ZBTB2: variants seen among roughly 807,000 people sequenced by gnomAD.
ZBTB2 encodes the protein zinc finger and BTB domain containing 2.
Under a neutral mutation model 39.5 loss-of-function variants are expected in ZBTB2, and 2 were observed. That is an observed-to-expected ratio of 0.05 (90% CI 0.02 to 0.16). The LOEUF is 0.16. Ranked by LOEUF, ZBTB2 falls within the 10% of genes least tolerant of loss-of-function variation. The pLI is 1.00. For missense variants in ZBTB2, 391 were observed against 653.0 expected (o/e 0.60, Z 4.37); for synonymous variants, 251 against 256.6 (o/e 0.98, Z 0.21).
intron 2 of ZBTB2, among the ~76,000 whole-genome samples, chr6:151,368,930 T>C (rs1431336588): frequency 1.3e-5 from 2 of 151,304 alleles, no homozygotes; most frequent in Middle Eastern, 3.4e-3. Flanking sequence ...CAGCTAATTT[T>C]TGTATTTTTT....
intron 2 of ZBTB2, among the ~76,000 whole-genome samples, chr6:151,367,317 C>T (rs1778673287): frequency 1.3e-5 from 2 of 152,144 alleles, no homozygotes; most frequent in African/African-American, 4.8e-5. Flanking sequence ...GACGGGGATT[C>T]ACCATGTTGG....
Position 151,366,929 on chromosome 6 carries a change from C to G in ZBTB2, c.174-37G>C. 6.4e-7 allele frequency: 1 copy of G among 1,562,798 alleles called. No individual in the cohort carries two copies. The highest frequency in any genetic ancestry group is 8.7e-7 in the Non-Finnish European group (1 of 1,155,096). ...AAGTAAAAAAATACGTGAGTAAATG[C>G]CAGTCTAGGTGTTAACATAAAGCCT... is the stretch of plus-strand genomic sequence containing the variant. On this transcript the variant is annotated intron_variant, in intron 2 of 2. Coordinates refer to ENST00000325144, the MANE Select transcript of ZBTB2 (RefSeq NM_020861.3). This position sits in a 1 kb window ranked among gnomAD's most constrained non-coding sequence, Gnocchi z 7.1.
In ZBTB2 at chr6:151,391,011, C is replaced by T. The variant is rs1308211568; in HGVS notation, c.-13+409G>A. 1.2e-3 allele frequency among the ~76,000 whole-genome samples: 169 copies of T among 143,462 alleles called. 1 individual carries two copies. Among genetic ancestry groups the T allele is most frequent in the African/African-American group, 4.0e-3 (154 of 38,602 alleles). The allele number at this position is 143,462 out of a possible 152,430, so 94.1% of individuals were successfully genotyped here. ...ACCGAACGCGAATCGCCCCCCTCCC[C>T]TTCCTCCCTCCCACCCTCCCTCCGA... On this transcript the variant is annotated intron_variant, in intron 1 of 2. Coordinates refer to ENST00000325144, the MANE Select transcript of ZBTB2 (RefSeq NM_020861.3).
intron 1 of ZBTB2, among the ~76,000 whole-genome samples, chr6:151,383,100 T>G (rs1299086927): frequency 6.6e-6 from 1 of 151,732 alleles, no homozygotes; most frequent in Non-Finnish European, 1.5e-5. Context: ...TTTTGTATTT[T>G]TAGTAGAGAC....
intron 1 of ZBTB2, among the ~76,000 whole-genome samples, chr6:151,391,104 G>T (rs1779295825): frequency 7.0e-6 from 1 of 143,004 alleles, no homozygotes; most frequent in Non-Finnish European, 1.5e-5. Flanking sequence ...AGGCGCCGCC[G>T]ACTCGCCGCC....
intron 1 of ZBTB2, among the ~76,000 whole-genome samples, chr6:151,390,395 C>A (rs1779261455): frequency 6.7e-6 from 1 of 149,830 alleles, no homozygotes; most frequent in Non-Finnish European, 1.5e-5. Context: ...GGAGGGGCGA[C>A]GCACTCCGGC....
intron 2 of ZBTB2, among the ~76,000 whole-genome samples, chr6:151,372,482 A>G (rs1778807342): frequency 6.6e-6 from 1 of 151,968 alleles, no homozygotes; most frequent in Admixed American, 6.5e-5. Flanking sequence ...CTGATCCCAC[A>G]TGGGCTGGGG....
Position 151,366,275 on chromosome 6 carries a change from G to C in ZBTB2, c.791C>G (p.Thr264Ser). The C allele has an allele frequency of 6.2e-7, 1 of 1,614,116 alleles. No individual in the cohort carries two copies. The highest frequency in any genetic ancestry group is 8.5e-7 in the Non-Finnish European group (1 of 1,180,026). Residue 264 changes from threonine (T) to serine (S), a missense_variant, in exon 3 of 3, where the codon ACT (threonine) becomes AGT (serine). This residue lies in a region of ZBTB2 where 80 missense variants were observed against 125.2 expected (regional missense o/e 0.64). Coordinates refer to ENST00000325144, the MANE Select transcript of ZBTB2 (RefSeq NM_020861.3). This position sits in a 1 kb window ranked among gnomAD's most constrained non-coding sequence, Gnocchi z 7.1. ...GTGTTCACGTAAGCTGCTCCGGAGAGTGAAGCGCCGTCCACACAGGTGGCA... is the reference window on the plus strand; with the variant it reads ...GTGTTCACGTAAGCTGCTCCGGAGACTGAAGCGCCGTCCACACAGGTGGCA... Reference protein sequence around the residue: ...YACHLCGRRFTLRSSLREHLQ... With the variant: ...YACHLCGRRFSLRSSLREHLQ...
chr6:151,381,973 G>A (rs893749494), intron 1 of ZBTB2, among the ~76,000 whole-genome samples: 7 of 152,148 alleles, frequency 4.6e-5, no homozygotes, highest in South Asian at 2.1e-4. Flanking sequence ...GTCATTGTGC[G>A]AACATCCTAA....
chr6:151,366,982 A>G lies in ZBTB2; in HGVS notation c.174-90T>C. 2 of 1,336,884 alleles carry G rather than the reference A, an allele frequency of 1.5e-6. No individual in the cohort carries two copies. The highest frequency in any genetic ancestry group is 1.0e-6 in the Non-Finnish European group (1 of 987,744). The allele number at this position is 1,336,884 out of a possible 1,614,324, so 82.8% of individuals were successfully genotyped here. ...AGAAAAAAATGAATGCTTAAAAACA[A>G]AGGAAACAACATTTCCTATCCTTGA... On this transcript the variant is annotated intron_variant, in intron 2 of 2. Transcript: ENST00000325144. This position sits in a 1 kb window ranked among gnomAD's most constrained non-coding sequence, Gnocchi z 7.1.
chr6:151,391,270 G>T (rs550298115), intron 1 of ZBTB2, 150 bp downstream of exon 1: 1 of 151,940 alleles, frequency 6.6e-6, no homozygotes, highest in Non-Finnish European at 1.5e-5. Context: ...GCCCTGGTAC[G>T]AGGGTCATTC....
At chr6:151,389,197 G>T (rs547362916) in intron 1 of ZBTB2, among the ~76,000 whole-genome samples, 1 of 152,118 alleles carries the variant, frequency 6.6e-6, no homozygotes, top group African/African-American at 2.4e-5. Context: ...CAAGGCGGGA[G>T]GATCACTTGA....
At chr6:151,368,024 C>T (rs1474171127) in intron 2 of ZBTB2, among the ~76,000 whole-genome samples, 7 of 152,230 alleles carry the variant, frequency 4.6e-5, no homozygotes, top group African/African-American at 1.7e-4. Context: ...CAATGCATTT[C>T]AAATTCAAAG....
At position 151,366,192 on chromosome 6, in the gene ZBTB2, G is replaced by A. The variant is rs771958176; in HGVS notation, c.874C>T (p.Pro292Ser). 1 of 1,614,128 alleles carries A rather than the reference G, an allele frequency of 6.2e-7. No individual in the cohort carries two copies. Among genetic ancestry groups the A allele is most frequent in the Non-Finnish European group, 8.5e-7 (1 of 1,180,038 alleles). Residue 292 changes from proline (P) to serine (S), a missense_variant, in exon 3 of 3, where the codon CCC (proline) becomes TCC (serine). Transcript: ENST00000325144. The surrounding 1 kb of genome is among the most constrained non-coding windows in gnomAD (Gnocchi z 7.1). ...TSSQQGESRVPLTLCSNAADL... is the reference protein window; with the variant it reads ...TSSQQGESRVSLTLCSNAADL... ...GCTGCATTGCTACAGAGAGTCAGGGGGACGCGACTTTCTCCCTGTTGGCTA... is the reference window on the plus strand; with the variant it reads ...GCTGCATTGCTACAGAGAGTCAGGGAGACGCGACTTTCTCCCTGTTGGCTA...
At chr6:151,387,802 G>C (rs773327007) in intron 1 of ZBTB2, among the ~76,000 whole-genome samples, 1 of 152,152 alleles carries the variant, frequency 6.6e-6, no homozygotes, top group Non-Finnish European at 1.5e-5. Context: ...TTATGAGTTT[G>C]AGCATAAATA....
chr6:151,379,061 T>G (rs2114870121), intron 1 of ZBTB2, among the ~76,000 whole-genome samples: 1 of 152,332 alleles, frequency 6.6e-6, no homozygotes, highest in Admixed American at 6.5e-5. Context: ...TGTTTTAAAT[T>G]AATATTATTA....
intron 1 of ZBTB2, among the ~76,000 whole-genome samples, chr6:151,387,317 A>AT (rs1163426012): frequency 1.3e-5 from 2 of 152,228 alleles, no homozygotes; most frequent in African/African-American, 4.8e-5. Flanking sequence ...TTTGGAAAAT[A>AT]TCGGCTCACT....
At chr6:151,370,991 TA>T (rs768130426) in intron 2 of ZBTB2, among the ~76,000 whole-genome samples, 1 of 152,218 alleles carries the variant, frequency 6.6e-6, no homozygotes, top group Non-Finnish European at 1.5e-5. Context: ...TGCATCGAAT[TA>T]AAACTCATTA....
intron 1 of ZBTB2, among the ~76,000 whole-genome samples, chr6:151,386,603 A>G (rs1373918706): frequency 6.6e-6 from 1 of 152,264 alleles, no homozygotes; most frequent in East Asian, 1.9e-4. Context: ...TTTGTTTTTT[A>G]TATACCATAA....
Sources: gnomAD v4.1 joint callset for allele counts (sites outside exome capture counted in the v4.1 genomes callset) on GRCh38, gnomAD v4.1.1 for gene constraint, gnomAD v4.1.1 regional missense constraint, Gnocchi (gnomAD v3.1) non-coding constraint, MANE v1.5 for transcripts, NCBI Gene and HGNC (gene_info 2026-07-23, HGNC 2026-07-21) for gene names.